Variants in AUTS2 observed in about 807,000 individuals in gnomAD.
AUTS2 encodes autism susceptibility gene 2 protein.
A neutral mutation model predicts 112.4 loss-of-function variants in AUTS2; 17 were observed. That is an observed-to-expected ratio of 0.15 (90% CI 0.10 to 0.23). The LOEUF (loss-of-function observed/expected upper bound fraction) is 0.23, where lower values mean the gene tolerates loss of function less well. Ranked by LOEUF, AUTS2 falls within the 10% of genes least tolerant of loss-of-function variation. The pLI, the probability that AUTS2 is intolerant of heterozygous loss-of-function variation, is 1.00. For missense variants in AUTS2, 1,510 were observed against 1,701.6 expected (o/e 0.89, Z 1.98); for synonymous variants, 751 against 702.7 (o/e 1.07, Z -1.09).
rs185028206 is a variant in AUTS2, at chr7:69,861,652, A to G, written c.310-37634A>G. On this transcript the variant is annotated intron_variant, in intron 1 of 18. Coordinates refer to ENST00000342771, the MANE Select transcript of AUTS2 (RefSeq NM_015570.4). ...CGTTTGTTAATTATTAGAGCAAAGT[A>G]CTAAGGATTGTTTTCTTTTGCCTAA... 9.2e-5 allele frequency among the ~76,000 whole-genome samples: 14 copies of G among 152,344 alleles called. No individual in the cohort carries two copies. The East Asian group carries it at 2.7e-3, about 29-fold the overall frequency.
intron 2 of AUTS2, among the ~76,000 whole-genome samples, chr7:70,021,027 G>A (rs184292733): frequency 2.0e-5 from 3 of 151,116 alleles, no homozygotes; most frequent in Admixed American, 2.0e-4. Context: ...TTTGAGCCCA[G>A]GCTGGAGTGC....
intron 4 of AUTS2, among the ~76,000 whole-genome samples, chr7:70,304,975 A>C (rs1396335354): frequency 6.6e-6 from 1 of 152,094 alleles, no homozygotes; most frequent in Non-Finnish European, 1.5e-5. Context: ...CTGAGAGGTG[A>C]CCACTCTTAA....
chr7:70,753,741 A>G (rs1445367348), intron 6 of AUTS2, among the ~76,000 whole-genome samples: 4 of 152,258 alleles, frequency 2.6e-5, no homozygotes, highest in Non-Finnish European at 5.9e-5. Context: ...GGGGGAATTT[A>G]AAGTATTGCT....
At chr7:70,224,408 A>G (rs1460488877) in intron 4 of AUTS2, among the ~76,000 whole-genome samples, 1 of 150,324 alleles carries the variant, frequency 6.7e-6, no homozygotes, top group Non-Finnish European at 1.5e-5. Context: ...ACAATATAAT[A>G]CCATACAATA....
At chr7:70,161,088 C>G (rs769019819) in intron 4 of AUTS2, among the ~76,000 whole-genome samples, 1 of 152,184 alleles carries the variant, frequency 6.6e-6, no homozygotes, top group Non-Finnish European at 1.5e-5. Flanking sequence ...CTATCTCTCT[C>G]TCTCCTTTTT....
At chr7:70,266,075 A>T (rs1192479047) in intron 4 of AUTS2, among the ~76,000 whole-genome samples, 2 of 152,242 alleles carry the variant, frequency 1.3e-5, no homozygotes, top group African/African-American at 4.8e-5. Context: ...ACATGTTTCT[A>T]CAAAACCTTG....
At chr7:70,077,626 A>T (rs1224662052) in intron 2 of AUTS2, among the ~76,000 whole-genome samples, 1 of 152,210 alleles carries the variant, frequency 6.6e-6, no homozygotes, top group Non-Finnish European at 1.5e-5. Flanking sequence ...AACATTTGGA[A>T]GTTGACCAGA....
At chr7:69,927,605 C>T (rs923503301) in intron 2 of AUTS2, among the ~76,000 whole-genome samples, 1 of 152,230 alleles carries the variant, frequency 6.6e-6, no homozygotes, top group Non-Finnish European at 1.5e-5. Context: ...TCAGCTTGTG[C>T]TACCAACCTC....
At chr7:70,510,048 T>C (rs1377618588) in intron 5 of AUTS2, among the ~76,000 whole-genome samples, 1 of 152,126 alleles carries the variant, frequency 6.6e-6, no homozygotes, top group African/African-American at 2.4e-5. Context: ...AGGCTGGAAG[T>C]CCTCTAGGTC....
chr7:69,811,530 C>A (rs1324036166), intron 1 of AUTS2, among the ~76,000 whole-genome samples: 1 of 152,136 alleles, frequency 6.6e-6, no homozygotes, highest in African/African-American at 2.4e-5. Flanking sequence ...TACCTTCATG[C>A]TCCCCCTCCC....
chr7:69,854,569 CTGTG>C (rs895020872), intron 1 of AUTS2, among the ~76,000 whole-genome samples: 10 of 151,986 alleles, frequency 6.6e-5, no homozygotes, highest in African/African-American at 2.4e-4. Flanking sequence ...GTCAGCGTGT[CTGTG>C]TGTTTCTTAA....
intron 4 of AUTS2, among the ~76,000 whole-genome samples, chr7:70,206,373 T>G (rs184560237): frequency 2.6e-5 from 4 of 151,170 alleles, no homozygotes; most frequent in African/African-American, 4.9e-5. Context: ...CTGTTTTTTG[T>G]TTTTTTTTCC....
chr7:69,701,076 G>A (rs2079662184), intron 1 of AUTS2, among the ~76,000 whole-genome samples: 1 of 151,998 alleles, frequency 6.6e-6, no homozygotes, highest in Non-Finnish European at 1.5e-5. Flanking sequence ...GTATCACCTC[G>A]GACAAGTTAC....
chr7:69,900,306 G>T (rs929093761), intron 2 of AUTS2, among the ~76,000 whole-genome samples: 6 of 152,202 alleles, frequency 3.9e-5, no homozygotes, highest in African/African-American at 1.4e-4. Flanking sequence ...CAGGACCATT[G>T]GGTAGGATTG....
At chr7:70,551,262 C>G (rs1262865706) in intron 5 of AUTS2, among the ~76,000 whole-genome samples, 6 of 151,984 alleles carry the variant, frequency 3.9e-5, no homozygotes, top group Admixed American at 3.3e-4. Flanking sequence ...GCATAATGCC[C>G]CACTCCCTCA....
intron 2 of AUTS2, among the ~76,000 whole-genome samples, chr7:69,928,830 G>T (rs1017398046): frequency 2.0e-5 from 3 of 152,100 alleles, no homozygotes; most frequent in Admixed American, 2.0e-4. Flanking sequence ...AAGGTGCAGG[G>T]CTCCTGCTAG....
chr7:70,509,663 A>G (rs1298537538), intron 5 of AUTS2, among the ~76,000 whole-genome samples: 1 of 152,180 alleles, frequency 6.6e-6, no homozygotes, highest in Non-Finnish European at 1.5e-5. Context: ...CTTGGATAGT[A>G]ACTCTTCCAT....
intron 5 of AUTS2, among the ~76,000 whole-genome samples, chr7:70,605,537 C>CTT (rs1803690562): frequency 9.6e-6 from 1 of 103,642 alleles, no homozygotes; most frequent in Non-Finnish European, 1.8e-5. Flanking sequence ...TCTTTCTTTC[C>CTT]TTCTTTCTCT....
intron 2 of AUTS2, among the ~76,000 whole-genome samples, chr7:70,001,952 C>T (rs1054758086): frequency 6.6e-6 from 1 of 152,076 alleles, no homozygotes; most frequent in Non-Finnish European, 1.5e-5. Flanking sequence ...CTCAGGTGAT[C>T]TGCCTACCTT....
Sources: allele counts gnomAD v4.1 joint callset (sites outside exome capture counted in the v4.1 genomes callset), GRCh38; gene constraint gnomAD v4.1.1; transcripts MANE v1.5; gene names NCBI Gene and HGNC (gene_info 2026-07-23, HGNC 2026-07-21).